The following METTL8 variants were observed in gnomAD, a reference collection of about 807,000 sequenced individuals.
The protein encoded by METTL8 is methyltransferase 8, tRNA N3-cytidine.
A neutral mutation model predicts 48.7 loss-of-function variants in METTL8; 32 were observed. The observed-to-expected ratio is 0.66, with a 90% CI of 0.50 to 0.88. The LOEUF (loss-of-function observed/expected upper bound fraction) is 0.88. Among genes scored for constraint, METTL8 ranks in the 40% least tolerant of loss-of-function variants. The probability of loss-of-function intolerance (pLI) is 0.00; values close to 1 mark genes in which losing one functional copy is unlikely to be tolerated. For synonymous variants in METTL8, 136 were observed against 157.1 expected (o/e 0.87, Z 1.01); for missense variants, 464 against 474.4 (o/e 0.98, Z 0.20).
At chr2:171,347,751 G>A (rs1367510439) in intron 3 of METTL8, among the ~76,000 whole-genome samples, 3 of 152,214 alleles carry the variant, frequency 2.0e-5, no homozygotes, top group Non-Finnish European at 4.4e-5. Context: ...CAGAAACAGT[G>A]TGACAGAGTT....
At chr2:171,434,271 G>A (rs1693579468), upstream of METTL8, 1 of 539,426 alleles carries the variant, frequency 1.9e-6, no homozygotes, top group African/African-American at 1.9e-5. Context: ...ACATTTCCCG[G>A]TGAGAGAGCG....
chr2:171,392,763 A>G (rs1033044557), intron 1 of METTL8, among the ~76,000 whole-genome samples: 1 of 152,156 alleles, frequency 6.6e-6, no homozygotes, highest in African/African-American at 2.4e-5. Context: ...ATTTTTAAGA[A>G]TAGTCAGTAA....
At chr2:171,401,072 C>T (rs968498013) in intron 1 of METTL8, among the ~76,000 whole-genome samples, 1 of 152,090 alleles carries the variant, frequency 6.6e-6, no homozygotes, top group Admixed American at 6.6e-5. Flanking sequence ...GTGAGACGTT[C>T]ATGTTTTCAC....
intron 3 of METTL8, among the ~76,000 whole-genome samples, chr2:171,358,077 G>A (rs2105466821): frequency 6.6e-6 from 1 of 152,150 alleles, no homozygotes; most frequent in East Asian, 1.9e-4. Context: ...GAGGCCAGGT[G>A]TGGTGGCTCA....
intron 3 of METTL8, among the ~76,000 whole-genome samples, chr2:171,342,734 A>G (rs1036879827): frequency 6.6e-6 from 1 of 152,242 alleles, no homozygotes; most frequent in African/African-American, 2.4e-5. Flanking sequence ...TGAGTTTACA[A>G]TATCAAGCTA....
chr2:171,384,568 T>A (rs1559150118), intron 2 of METTL8, among the ~76,000 whole-genome samples: 2 of 150,020 alleles, frequency 1.3e-5, no homozygotes, highest in Admixed American at 6.6e-5. Context: ...GGTAGCTCAT[T>A]CCTGTAATCT....
At chr2:171,330,229 C>G (rs577866161) in intron 7 of METTL8, among the ~76,000 whole-genome samples, 1 of 152,254 alleles carries the variant, frequency 6.6e-6, no homozygotes, top group African/African-American at 2.4e-5. Context: ...TTCTGATCAC[C>G]AAGTACAATT....
At chr2:171,407,056 A>G (rs748923079) in intron 1 of METTL8, among the ~76,000 whole-genome samples, 4 of 152,138 alleles carry the variant, frequency 2.6e-5, no homozygotes, top group Non-Finnish European at 4.4e-5. Flanking sequence ...ATGGAAAGCA[A>G]TGGTGATTTA....
At position 171,330,627 on chromosome 2, in the gene METTL8, G is replaced by A. The variant is rs1475941714; in HGVS notation, c.792C>T (p.Tyr264=). The change falls in exon 7 of 10, where the codon TAC becomes TAT. Residue 264 remains tyrosine, a synonymous_variant. Transcript: ENST00000375258. ...VHDVCDDGLP[Y]PFPDGILDVI... ...CATCCAGGATCCCATCTGGAAAAGG[G>A]TAAGGTAAGCCATCATCACATACAT... 6.2e-7 allele frequency: 1 copy of A among 1,613,518 alleles called. No homozygotes were observed. The highest frequency in any genetic ancestry group is 8.5e-7 in the Non-Finnish European group (1 of 1,179,520).
intron 1 of METTL8, among the ~76,000 whole-genome samples, chr2:171,393,895 GA>G (rs1553524907): frequency 2.0e-5 from 3 of 150,570 alleles, no homozygotes; most frequent in Non-Finnish European, 4.4e-5. Flanking sequence ...TTTCCTTTTG[GA>G]AAAAAAAAGT....
intron 1 of METTL8, among the ~76,000 whole-genome samples, chr2:171,394,235 G>A (rs1309191299): frequency 5.9e-5 from 9 of 152,084 alleles, no homozygotes; most frequent in Admixed American, 1.3e-4. Flanking sequence ...GTATGCTGAA[G>A]AGTAGAAATT....
intron 3 of METTL8, among the ~76,000 whole-genome samples, chr2:171,352,834 T>C (rs1425771908): frequency 1.3e-5 from 2 of 152,124 alleles, no homozygotes; most frequent in African/African-American, 2.4e-5. Context: ...TCATTTTTTA[T>C]TGCATCTGTT....
At chr2:171,434,501 G>C, upstream of METTL8, 1 of 1,522,692 alleles carries the variant, frequency 6.6e-7, no homozygotes, top group Non-Finnish European at 8.8e-7. Context: ...TTCGAAGGCA[G>C]CGGCGGCTGC....
intron 2 of METTL8, among the ~76,000 whole-genome samples, chr2:171,375,989 A>C (rs1490981301): frequency 1.3e-5 from 2 of 152,078 alleles, no homozygotes; most frequent in Non-Finnish European, 1.5e-5. Flanking sequence ...AAGACTAGAC[A>C]TTATGTATTT....
At chr2:171,381,717 C>T (rs1253954130) in intron 2 of METTL8, among the ~76,000 whole-genome samples, 3 of 150,814 alleles carry the variant, frequency 2.0e-5, no homozygotes, top group African/African-American at 4.9e-5. Context: ...TCACGAGAGT[C>T]GGAATGGCGA....
intron 3 of METTL8, 40 bp from the exon 4 acceptor site, chr2:171,339,594 A>G: frequency 8.6e-7 from 1 of 1,159,250 alleles, no homozygotes; most frequent in Non-Finnish European, 1.2e-6. Flanking sequence ...TTTTACTACG[A>G]ATTATATTTA....
chr2:171,430,041 C>A (rs1692828730), intron 1 of METTL8, among the ~76,000 whole-genome samples: 2 of 146,088 alleles, frequency 1.4e-5, no homozygotes, highest in Non-Finnish European at 3.0e-5. Context: ...AAAACTCCGT[C>A]TCAAAAAGAA....
intron 3 of METTL8, among the ~76,000 whole-genome samples, chr2:171,348,664 A>G (rs1482944026): frequency 1.3e-5 from 2 of 152,146 alleles, no homozygotes; most frequent in Non-Finnish European, 2.9e-5. Flanking sequence ...GAAGAAGCAC[A>G]TGGAAGCTTC....
At chr2:171,363,371 T>C (rs981189507) in intron 2 of METTL8, among the ~76,000 whole-genome samples, 4 of 152,088 alleles carry the variant, frequency 2.6e-5, no homozygotes, top group Admixed American at 2.6e-4. Flanking sequence ...ACCCAACAGC[T>C]GACAATAAGA....
Sources: allele counts gnomAD v4.1 joint callset (sites outside exome capture counted in the v4.1 genomes callset), GRCh38; gene constraint gnomAD v4.1.1; transcripts MANE v1.5; gene names NCBI Gene and HGNC (gene_info 2026-07-23, HGNC 2026-07-21).